PTPN9: variants seen among roughly 807,000 people sequenced by gnomAD.
PTPN9 encodes protein tyrosine phosphatase non-receptor type 9, also known as tyrosine-protein phosphatase non-receptor type 9.
In PTPN9, 26 loss-of-function variants were observed where a neutral mutation model predicts 69.8. That is an observed-to-expected ratio of 0.37 (90% CI 0.27 to 0.52). PTPN9 has a LOEUF of 0.52. PTPN9 is among the 20% of genes least tolerant of loss of function. PTPN9 has a pLI of 0.91. For missense variants in PTPN9, 549 were observed against 740.3 expected (o/e 0.74, Z 3.00); for synonymous variants, 274 against 272.5 (o/e 1.01, Z -0.05).
chr15:75,548,138 G>C (rs1340625763), intron 1 of PTPN9, among the ~76,000 whole-genome samples: 3 of 152,180 alleles, frequency 2.0e-5, no homozygotes, highest in African/African-American at 7.2e-5. Context: ...AAGAAAAGTG[G>C]TAGAGCCTGA....
intron 1 of PTPN9, among the ~76,000 whole-genome samples, chr15:75,528,037 AAATT>A (rs2074938803): frequency 6.6e-6 from 1 of 152,160 alleles, no homozygotes; most frequent in Admixed American, 6.6e-5. Context: ...GAGGCCAGTA[AAATT>A]ATTAAGAAGA....
At chr15:75,493,835 C>T (rs951399208) in intron 7 of PTPN9, among the ~76,000 whole-genome samples, 14 of 151,940 alleles carry the variant, frequency 9.2e-5, no homozygotes, top group African/African-American at 2.7e-4. Context: ...TTCTGGGACA[C>T]AAGTCAGCAA....
intron 7 of PTPN9, among the ~76,000 whole-genome samples, chr15:75,497,062 T>A (rs552223356): frequency 6.6e-6 from 1 of 152,198 alleles, no homozygotes; most frequent in South Asian, 2.1e-4. Flanking sequence ...TATGCATATA[T>A]AACAGTATAA....
At chr15:75,545,830 T>C (rs571950404) in intron 1 of PTPN9, among the ~76,000 whole-genome samples, 1 of 152,238 alleles carries the variant, frequency 6.6e-6, no homozygotes, top group Non-Finnish European at 1.5e-5. Context: ...ACGCCTGTAG[T>C]CCCAGCTACT....
intron 8 of PTPN9, among the ~76,000 whole-genome samples, chr15:75,488,775 C>G (rs1358043101): frequency 2.0e-5 from 3 of 152,086 alleles, no homozygotes; most frequent in Non-Finnish European, 4.4e-5. Context: ...GCCTGGGTGA[C>G]AGAGTGAGAC....
intron 1 of PTPN9, among the ~76,000 whole-genome samples, chr15:75,548,984 G>T (rs761083302): frequency 1.4e-5 from 2 of 146,746 alleles, no homozygotes. Flanking sequence ...ATAGAAACAG[G>T]GTCTCCCTCT....
rs551374212 is a variant in PTPN9, at chr15:75,558,696, T to C, written c.63+20018A>G. Among the ~76,000 whole-genome samples the C allele has an allele frequency of 2.7e-3, 410 of 152,152 alleles. 1 individual carries two copies. Among genetic ancestry groups the C allele is most frequent in the African/African-American group, 9.3e-3 (387 of 41,536 alleles). ...GGCGCGCGCCGCCACACCTGACTGGTTTTTGTATTTTTTTGGTGGAGACGG... is the reference window on the plus strand; with the variant it reads ...GGCGCGCGCCGCCACACCTGACTGGCTTTTGTATTTTTTTGGTGGAGACGG... On this transcript the variant is annotated intron_variant, in intron 1 of 12. Coordinates refer to ENST00000618819, the MANE Select transcript of PTPN9 (RefSeq NM_002833.4).
chr15:75,501,626 G>A (rs754163711), intron 7 of PTPN9, among the ~76,000 whole-genome samples: 2 of 151,624 alleles, frequency 1.3e-5, no homozygotes, highest in Admixed American at 6.6e-5. Flanking sequence ...TAATTTTTTC[G>A]TTTTTTATTT....
intron 1 of PTPN9, among the ~76,000 whole-genome samples, chr15:75,531,305 T>C (rs1327629056): frequency 6.6e-6 from 1 of 151,810 alleles, no homozygotes; most frequent in East Asian, 1.9e-4. Context: ...AGCCAAGAAA[T>C]AAAGGCCATG....
chr15:75,546,177 T>G (rs960977030), intron 1 of PTPN9, among the ~76,000 whole-genome samples: 1 of 152,138 alleles, frequency 6.6e-6, no homozygotes, highest in Non-Finnish European at 1.5e-5. Flanking sequence ...CAAAATGATA[T>G]TCCCTGGAGA....
chr15:75,509,466 A>G (rs963290997), intron 5 of PTPN9, among the ~76,000 whole-genome samples: 4 of 152,200 alleles, frequency 2.6e-5, no homozygotes, highest in Non-Finnish European at 5.9e-5. Flanking sequence ...AGGTGGGTGG[A>G]TCACCAGAGG....
At chr15:75,492,520 C>T (rs779756847) in intron 7 of PTPN9, among the ~76,000 whole-genome samples, 1 of 152,064 alleles carries the variant, frequency 6.6e-6, no homozygotes, top group African/African-American at 2.4e-5. Flanking sequence ...AAATCCCTGA[C>T]CCATTCTCAT....
At chr15:75,503,251 C>G (rs1232867878) in intron 7 of PTPN9, among the ~76,000 whole-genome samples, 1 of 149,504 alleles carries the variant, frequency 6.7e-6, no homozygotes. Context: ...GCCCGGCCGC[C>G]CATCGTCTGA....
intron 1 of PTPN9, among the ~76,000 whole-genome samples, chr15:75,576,250 G>A (rs148858174): frequency 2.0e-5 from 3 of 151,916 alleles, no homozygotes; most frequent in Non-Finnish European, 4.4e-5. Flanking sequence ...GGGTACTTCT[G>A]GCTGTGTGCA....
intron 4 of PTPN9, among the ~76,000 whole-genome samples, chr15:75,521,168 G>A (rs1208116179): frequency 2.0e-5 from 3 of 150,690 alleles, no homozygotes; most frequent in Non-Finnish European, 4.4e-5. Flanking sequence ...ACAATGGGCC[G>A]GGCACGGTGG....
At chr15:75,559,028 A>G (rs1237619495) in intron 1 of PTPN9, among the ~76,000 whole-genome samples, 1 of 149,270 alleles carries the variant, frequency 6.7e-6, no homozygotes, top group Admixed American at 6.7e-5. Context: ...CCCGGCTGCC[A>G]GGTCTGGGAA....
At chr15:75,515,027 C>G (rs1336160666) in intron 5 of PTPN9, among the ~76,000 whole-genome samples, 1 of 152,176 alleles carries the variant, frequency 6.6e-6, no homozygotes, top group Non-Finnish European at 1.5e-5. Context: ...ACCCAACAAT[C>G]TACTCCTAAG....
intron 8 of PTPN9, among the ~76,000 whole-genome samples, chr15:75,489,213 A>G (rs77716675): frequency 0.18 from 27,355 of 149,764 alleles, 3,136 homozygotes; most frequent in Non-Finnish European, 0.26. Flanking sequence ...TCCTAATGTT[A>G]CCCTAACAGA....
chr15:75,480,002 G>A (rs1274917505), intron 8 of PTPN9, 88 bp from the exon 9 acceptor site: 1 of 877,742 alleles, frequency 1.1e-6, no homozygotes, highest in Non-Finnish European at 1.8e-6. Context: ...AAAACCCAAG[G>A]TGTGAATATT....
Sources: gnomAD v4.1 joint callset for allele counts (sites outside exome capture counted in the v4.1 genomes callset) on GRCh38, gnomAD v4.1.1 for gene constraint, MANE v1.5 for transcripts, NCBI Gene and HGNC (gene_info 2026-07-23, HGNC 2026-07-21) for gene names.